Variants in AFAP1 observed in about 807,000 individuals in gnomAD.
The protein encoded by AFAP1 is actin filament associated protein 1, also known as actin filament-associated protein 1.
In AFAP1, 75 loss-of-function variants were observed where a neutral mutation model predicts 93.9. The ratio of observed to expected loss-of-function variants is 0.80; its 90% CI spans 0.66 to 0.97. AFAP1 has a LOEUF of 0.97. Ranked by LOEUF, AFAP1 falls within the 50% of genes least tolerant of loss-of-function variation. AFAP1 has a pLI of 0.00. For synonymous variants in AFAP1, 517 were observed against 430.7 expected, an observed-to-expected ratio of 1.20 and a Z score of -2.48; for missense variants, 1,201 against 1,050.8, an observed-to-expected ratio of 1.14 and a Z score of -1.98.
At chr4:7,798,453 T>C (rs1297720635) in intron 10 of AFAP1, among the ~76,000 whole-genome samples, 1 of 110,842 alleles carries the variant, frequency 9.0e-6, no homozygotes, top group South Asian at 2.5e-4. Flanking sequence ...CCCTATTGGC[T>C]GGCTCACGGC....
chr4:7,923,443 T>C (rs1485599621), intron 1 of AFAP1, among the ~76,000 whole-genome samples: 1 of 152,168 alleles, frequency 6.6e-6, no homozygotes, highest in Non-Finnish European at 1.5e-5. Context: ...CCTTTCTTCT[T>C]TTCCTCACAC....
In AFAP1 at chr4:7,810,683, C is replaced by A. The variant is rs1240342542; in HGVS notation, c.905-920G>T. ...AAACATAGAACTCATACACATTGTG[C>A]ATAAAAATGATGCCTGGCTTCCTTT... On this transcript the variant is annotated intron_variant, in intron 8 of 17. Transcript: ENST00000420658. Among the ~76,000 whole-genome samples, 5 of 152,214 alleles carry A rather than the reference C, an allele frequency of 3.3e-5. No individual in the cohort carries two copies. In the East Asian group the frequency reaches 9.6e-4, roughly 29 times the overall value.
chr4:7,779,842 C>T (rs541924437), intron 13 of AFAP1, among the ~76,000 whole-genome samples: 3 of 152,284 alleles, frequency 2.0e-5, no homozygotes, highest in South Asian at 2.1e-4. Context: ...TGCAAGGTCT[C>T]GCCATTAAAA....
rs369047447 is a variant in AFAP1 at position 7,800,509 on chromosome 4, C to G, written c.1199G>C (p.Gly400Ala). 6.2e-7 allele frequency: 1 copy of G among 1,614,128 alleles called. No homozygotes were observed. Among genetic ancestry groups the G allele is most frequent in the Non-Finnish European group, 8.5e-7 (1 of 1,180,048 alleles). Residue 400 changes from glycine to alanine, a missense_variant, in exon 10 of 18, where the codon GGT becomes GCT. Transcript: ENST00000420658. ...IPLRGCEVIP[G>A]LDSKHPLTFR... ...CGTCAGAGGATGTTTAGAATCCAAA[C>G]CCGGGATCACCTCGCAGCCACGGAG...
chr4:7,930,611 T>C (rs113958212), intron 1 of AFAP1, among the ~76,000 whole-genome samples: 3,756 of 152,286 alleles, frequency 0.025, 145 homozygotes, highest in African/African-American at 0.084. Context: ...TTAGAAGCTC[T>C]TGTGTCAGGA....
intron 7 of AFAP1, among the ~76,000 whole-genome samples, chr4:7,818,054 G>C (rs148178863): frequency 6.6e-6 from 1 of 152,262 alleles, no homozygotes; most frequent in South Asian, 2.1e-4. Flanking sequence ...GTGTCAATGT[G>C]GGGGGCATCT....
chr4:7,877,323 A>G (rs1560216061), intron 1 of AFAP1, among the ~76,000 whole-genome samples: 1 of 152,232 alleles, frequency 6.6e-6, no homozygotes, highest in Non-Finnish European at 1.5e-5. Context: ...TACATAAAAT[A>G]GCTCATTTGA....
At chr4:7,802,900 C>A (rs138051059) in intron 9 of AFAP1, among the ~76,000 whole-genome samples, 1,637 of 152,234 alleles carry the variant, frequency 0.011, 27 homozygotes, top group African/African-American at 0.037. Context: ...CCACCCGCCT[C>A]GGCCTCCCAA....
chr4:7,927,557 G>T (rs1387095767), intron 1 of AFAP1, among the ~76,000 whole-genome samples: 1 of 152,174 alleles, frequency 6.6e-6, no homozygotes, highest in Non-Finnish European at 1.5e-5. Flanking sequence ...AGGCGCGGTG[G>T]CTCACGCCTG....
chr4:7,791,689 CA>C (rs200864466), intron 11 of AFAP1, among the ~76,000 whole-genome samples: 22,443 of 138,966 alleles, frequency 0.16, 1,685 homozygotes, highest in Middle Eastern at 0.22. Context: ...CCGTCTCTAC[CA>C]AAAAAAAAAA....
At chr4:7,909,672 A>G (rs775478361) in intron 1 of AFAP1, among the ~76,000 whole-genome samples, 2 of 152,226 alleles carry the variant, frequency 1.3e-5, no homozygotes, top group African/African-American at 4.8e-5. Context: ...TAGTGAAAGC[A>G]TAAGGCATGT....
At chr4:7,836,711 G>A (rs1403417530) in intron 6 of AFAP1, among the ~76,000 whole-genome samples, 2 of 152,146 alleles carry the variant, frequency 1.3e-5, no homozygotes, top group South Asian at 2.1e-4. Flanking sequence ...GGCTCCCAAA[G>A]TGCTGGGATT....
rs146995801 is a variant in AFAP1 at position 7,793,612 on chromosome 4, A to C, written c.1412+69T>G. ...GGTCTATATCCTCACACAAAAACTA[A>C]GTTAAGCTAAGTTAGGGAAAAGACA... On this transcript the variant is annotated intron_variant, in intron 11 of 17. Coordinates refer to ENST00000420658, the MANE Select transcript of AFAP1 (RefSeq NM_001134647.2). 2.9e-4 allele frequency: 397 copies of C among 1,379,996 alleles called. No individual in the cohort carries two copies. In the African/African-American group the frequency reaches 5.1e-3, roughly 18 times the overall value. 85.5% of individuals were successfully genotyped at this position (1,379,996 alleles called of 1,614,324 possible). A position where few individuals can be genotyped will look rare whatever the true frequency, so the allele number is the denominator to read the frequency against.
intron 15 of AFAP1, 172 bp from the exon 16 acceptor site, chr4:7,773,182 C>T (rs1424554337): frequency 2.0e-6 from 2 of 994,954 alleles, no homozygotes; most frequent in African/African-American, 1.6e-5. Context: ...GGATCAGAGT[C>T]CTTCTCCTAC....
intron 3 of AFAP1, among the ~76,000 whole-genome samples, chr4:7,864,376 T>A (rs1302771843): frequency 6.6e-6 from 1 of 152,232 alleles, no homozygotes; most frequent in Non-Finnish European, 1.5e-5. Context: ...AAGCAAATTC[T>A]CTTGAAAGTC....
intron 9 of AFAP1, among the ~76,000 whole-genome samples, chr4:7,804,162 T>C (rs11933020): frequency 0.27 from 41,280 of 150,364 alleles, 5,678 homozygotes; most frequent in Admixed American, 0.37. Flanking sequence ...CCCCAAGTCA[T>C]GTCCAGGAAA....
chr4:7,772,172 C>G (rs1201133473), intron 16 of AFAP1: 1 of 152,260 alleles, frequency 6.6e-6, no homozygotes, highest in Non-Finnish European at 1.5e-5. Flanking sequence ...CCAGCCGTCC[C>G]TCACTGGCTG....
At chr4:7,780,244 G>A (rs1359725086) in intron 13 of AFAP1, among the ~76,000 whole-genome samples, 1 of 152,298 alleles carries the variant, frequency 6.6e-6, no homozygotes, top group East Asian at 1.9e-4. Context: ...CTCACTGAAT[G>A]GGAATCCCCA....
chr4:7,830,179 C>A (rs1276714314), intron 6 of AFAP1, among the ~76,000 whole-genome samples: 1 of 152,160 alleles, frequency 6.6e-6, no homozygotes, highest in Admixed American at 6.5e-5. Context: ...ATGAAATCTG[C>A]ATTGCTATTT....
Sources: gnomAD v4.1 joint callset for allele counts (sites outside exome capture counted in the v4.1 genomes callset) on GRCh38, gnomAD v4.1.1 for gene constraint, MANE v1.5 for transcripts, NCBI Gene and HGNC (gene_info 2026-07-23, HGNC 2026-07-21) for gene names.